Variants in UNC13C observed in about 807,000 individuals in gnomAD.
UNC13C encodes unc-13 homolog C, also known as protein unc-13 homolog C.
Under a neutral mutation model 245.4 loss-of-function variants are expected in UNC13C, and 174 were observed. That is an observed-to-expected ratio of 0.71 (90% CI 0.63 to 0.80). The LOEUF (loss-of-function observed/expected upper bound fraction) is 0.80. Among genes scored for constraint, UNC13C ranks in the 30% least tolerant of loss-of-function variants. The probability of loss-of-function intolerance (pLI) is 0.00; values close to 1 mark genes in which losing one functional copy is unlikely to be tolerated. For missense variants in UNC13C, 2,829 were observed against 2,602.9 expected, an observed-to-expected ratio of 1.09 and a Z score of -1.89; for synonymous variants, 992 against 895.1, an observed-to-expected ratio of 1.11 and a Z score of -1.93.
At chr15:54,553,064 ATAATATATATT>A (rs1596558841) in intron 28 of UNC13C, among the ~76,000 whole-genome samples, 1 of 102,098 alleles carries the variant, frequency 9.8e-6, no homozygotes, top group East Asian at 2.9e-4. Flanking sequence ...ATTACAATAT[ATAATATATATT>A]GTATTCTATA....
At position 53,986,356 on chromosome 15, in the gene UNC13C, C is replaced by G. The variant is rs143092190; in HGVS notation, c.-257+7429C>G. Among the ~76,000 whole-genome samples the G allele has an allele frequency of 4.6e-4, 70 of 152,098 alleles. 3 individuals are homozygous for G. The East Asian group carries it at 7.8e-3, about 17-fold the overall frequency. Reference sequence around the variant, plus strand: ...CTTTGTAAGTTTTCCTTTTGTTTCTCGATTTTGTATTACATTTCTCTTAAG... The same window carrying G: ...CTTTGTAAGTTTTCCTTTTGTTTCTGGATTTTGTATTACATTTCTCTTAAG... On this transcript the variant is annotated intron_variant, in intron 1 of 32. Coordinates refer to ENST00000260323, the MANE Select transcript of UNC13C (RefSeq NM_001080534.3).
chr15:54,151,148 A>G (rs12915784), intron 4 of UNC13C, among the ~76,000 whole-genome samples: 96,974 of 151,950 alleles, frequency 0.64, 32,653 homozygotes, highest in Non-Finnish European at 0.75. Flanking sequence ...GGGATACTGT[A>G]TAAGACTCCC....
intron 17 of UNC13C, 35 bp from the exon 18 acceptor site, chr15:54,393,013 C>T (rs765988898): frequency 2.1e-5 from 32 of 1,524,348 alleles, no homozygotes; most frequent in Non-Finnish European, 2.5e-5. Context: ...CCCATTTAAC[C>T]TTTTCTTTTG....
chr15:54,157,471 A>G lies in UNC13C; in HGVS notation c.3071+13787A>G, dbSNP rs142655138. Among the ~76,000 whole-genome samples, 634 of 152,320 alleles carry G rather than the reference A, an allele frequency of 4.2e-3. 7 individuals are homozygous for G. Among genetic ancestry groups the G allele is most frequent in the African/African-American group, 0.015 (610 of 41,578 alleles). Reference sequence around the variant, plus strand: ...AATAATAGTTTAATAATACATTATTAAAAGGTAAATCCTTGCTCATGGTGA... The same window carrying G: ...AATAATAGTTTAATAATACATTATTGAAAGGTAAATCCTTGCTCATGGTGA... On this transcript the variant is annotated intron_variant, in intron 4 of 32. Transcript: ENST00000260323.
At position 54,250,339 on chromosome 15, in the gene UNC13C, G is replaced by A; in HGVS notation, c.3343G>A (p.Glu1115Lys). ...CACACCCACCTACTGTTATGAGTGT[G>A]AAGGGCTCCTGTGGGGCATTGCAAG... Reference protein sequence around the residue: ...ATTPTYCYECEGLLWGIARQG... With the variant: ...ATTPTYCYECKGLLWGIARQG... Residue 1115 changes from glutamate to lysine, a missense_variant, in exon 8 of 33, where the codon GAA becomes AAA. By Grantham distance (56) the Glu-to-Lys change is moderately conservative. Coordinates refer to ENST00000260323, the MANE Select transcript of UNC13C (RefSeq NM_001080534.3). The A allele has an allele frequency of 6.2e-7, 1 of 1,613,926 alleles. No homozygotes were observed. The highest frequency in any genetic ancestry group is 8.5e-7 in the Non-Finnish European group (1 of 1,179,854).
chr15:54,349,759 T>G (rs1274379921), intron 17 of UNC13C, among the ~76,000 whole-genome samples: 2 of 152,170 alleles, frequency 1.3e-5, no homozygotes, highest in Non-Finnish European at 2.9e-5. Flanking sequence ...GCATGTTTAC[T>G]AGGATATTCA....
In UNC13C at chr15:54,314,106, G is replaced by T. The variant is rs145129277; in HGVS notation, c.4269-7833G>T. On this transcript the variant is annotated intron_variant, in intron 13 of 32. Transcript: ENST00000260323. ...AAAACAAAACAAAACTGGAATTCAC[G>T]GAAATAAAGAGCGGAATGGTGATTA... Among the ~76,000 whole-genome samples, 362 of 151,282 alleles carry T rather than the reference G, an allele frequency of 2.4e-3. 1 individual carries two copies. Among genetic ancestry groups the T allele is most frequent in the Non-Finnish European group, 4.3e-3 (288 of 67,600 alleles).
intron 25 of UNC13C, among the ~76,000 whole-genome samples, chr15:54,529,396 A>C (rs1895634223): frequency 6.6e-6 from 1 of 152,200 alleles, no homozygotes; most frequent in Admixed American, 6.5e-5. Flanking sequence ...AAATATGGAA[A>C]ACCAAAAACT....
intron 2 of UNC13C, among the ~76,000 whole-genome samples, chr15:54,123,292 C>T (rs1200071722): frequency 6.6e-6 from 1 of 151,406 alleles, no homozygotes; most frequent in African/African-American, 2.4e-5. Flanking sequence ...GGTTTGTTAT[C>T]TTGATATAGT....
intron 19 of UNC13C, among the ~76,000 whole-genome samples, chr15:54,415,881 A>C (rs1323914468): frequency 6.6e-6 from 1 of 152,154 alleles, no homozygotes; most frequent in African/African-American, 2.4e-5. Context: ...TACAGCAGAC[A>C]TGGGGCTAGG....
intron 32 of UNC13C, among the ~76,000 whole-genome samples, chr15:54,626,457 G>A (rs1020707846): frequency 1.3e-5 from 2 of 148,306 alleles, no homozygotes; most frequent in Non-Finnish European, 3.0e-5. Flanking sequence ...AAATGGGGAG[G>A]TAAAGTGCGA....
At chr15:54,001,142 T>C (rs990012357) in intron 1 of UNC13C, among the ~76,000 whole-genome samples, 2 of 152,198 alleles carry the variant, frequency 1.3e-5, no homozygotes, top group African/African-American at 4.8e-5. Flanking sequence ...TTTTGATAAA[T>C]TTATTACTTT....
chr15:53,916,841 C>T, the UNC13C span, among the ~76,000 whole-genome samples: 2 of 152,170 alleles, frequency 1.3e-5, no homozygotes, highest in African/African-American at 2.4e-5. Context: ...CGGATCCCAC[C>T]ACTACAGTTT....
intron 17 of UNC13C, among the ~76,000 whole-genome samples, chr15:54,346,248 G>T (rs1341480513): frequency 2.6e-5 from 4 of 151,436 alleles, no homozygotes; most frequent in African/African-American, 9.7e-5. Context: ...TAAAGAAAAA[G>T]GCAGTGCCTT....
the UNC13C span, among the ~76,000 whole-genome samples, chr15:53,958,588 A>G: frequency 6.6e-6 from 1 of 152,158 alleles, no homozygotes; most frequent in African/African-American, 2.4e-5. Flanking sequence ...AATTATGATG[A>G]TAAGGCTCAG....
At chr15:54,429,256 T>A (rs1046544383) in intron 19 of UNC13C, among the ~76,000 whole-genome samples, 3 of 151,816 alleles carry the variant, frequency 2.0e-5, no homozygotes, top group African/African-American at 7.2e-5. Flanking sequence ...CAATAAAAAG[T>A]AATTTATAAG....
intron 17 of UNC13C, among the ~76,000 whole-genome samples, chr15:54,385,002 C>CA (rs1170696236): frequency 4.6e-5 from 7 of 151,840 alleles, no homozygotes; most frequent in Admixed American, 3.9e-4. Context: ...TTTTAAAAGA[C>CA]AAAAAATATC....
the UNC13C span, among the ~76,000 whole-genome samples, chr15:53,842,151 G>A: frequency 6.6e-6 from 1 of 152,148 alleles, no homozygotes; most frequent in South Asian, 2.1e-4. Flanking sequence ...CTGAGCAGGA[G>A]AATGGGAAGC....
chr15:54,522,773 A>G (rs1895276992), intron 24 of UNC13C, among the ~76,000 whole-genome samples: 1 of 152,162 alleles, frequency 6.6e-6, no homozygotes, highest in Admixed American at 6.5e-5. Context: ...CATTGTGTAT[A>G]TTCCTCATTA....
Sources: allele counts gnomAD v4.1 joint callset (sites outside exome capture counted in the v4.1 genomes callset), GRCh38; gene constraint gnomAD v4.1.1; transcripts MANE v1.5; gene names NCBI Gene and HGNC (gene_info 2026-07-23, HGNC 2026-07-21).